POU2F1: variants seen among roughly 807,000 people sequenced by gnomAD.
POU2F1 encodes the protein POU class 2 homeobox 1, also known as POU domain, class 2, transcription factor 1.
Under a neutral mutation model 84.9 loss-of-function variants are expected in POU2F1, and 16 were observed. The observed-to-expected ratio is 0.19, with a 90% CI of 0.13 to 0.29. The LOEUF (loss-of-function observed/expected upper bound fraction) is 0.29, where lower values mean the gene tolerates loss of function less well. Ranked by LOEUF, POU2F1 falls within the 10% of genes least tolerant of loss-of-function variation. The pLI, the probability that POU2F1 is intolerant of heterozygous loss-of-function variation, is 1.00. For synonymous variants in POU2F1, 368 were observed against 368.3 expected, an observed-to-expected ratio of 1.00 and a Z score of 0.01; for missense variants, 738 against 942.6, an observed-to-expected ratio of 0.78 and a Z score of 2.84.
chr1:167,344,723 A>C (rs909395474), intron 2 of POU2F1, among the ~76,000 whole-genome samples: 4 of 152,212 alleles, frequency 2.6e-5, no homozygotes, highest in African/African-American at 9.7e-5. Context: ...TATCAGTGTT[A>C]GCTATCTATT....
intron 12 of POU2F1, 98 bp downstream of exon 12, chr1:167,399,463 GAATA>G: frequency 2.0e-6 from 2 of 1,019,676 alleles, no homozygotes; most frequent in Non-Finnish European, 2.8e-6. Flanking sequence ...GTAATTTAAT[GAATA>G]AATACATCAA....
chr1:167,349,459 T>G (rs937001508), intron 2 of POU2F1, among the ~76,000 whole-genome samples: 5 of 152,188 alleles, frequency 3.3e-5, no homozygotes, highest in Admixed American at 2.0e-4. Flanking sequence ...ATTTTTTCAT[T>G]TTTATTATCT....
At chr1:167,336,663 A>T (rs1219086137) in intron 2 of POU2F1, among the ~76,000 whole-genome samples, 1 of 152,202 alleles carries the variant, frequency 6.6e-6, no homozygotes, top group Non-Finnish European at 1.5e-5. Context: ...AAGGAAATTC[A>T]TGAAGCCTTC....
intron 2 of POU2F1, among the ~76,000 whole-genome samples, chr1:167,340,289 A>C (rs1657748815): frequency 6.6e-6 from 1 of 152,098 alleles, no homozygotes; most frequent in African/African-American, 2.4e-5. Context: ...CATGTTGGTC[A>C]GGCTGGTCTC....
chr1:167,250,917 A>G (rs1650681290), intron 1 of POU2F1, among the ~76,000 whole-genome samples: 1 of 152,212 alleles, frequency 6.6e-6, no homozygotes, highest in Admixed American at 6.5e-5. Context: ...ATATACACAG[A>G]CTTTATTTTG....
intron 1 of POU2F1, among the ~76,000 whole-genome samples, chr1:167,312,049 C>T (rs1216303886): frequency 6.6e-6 from 1 of 152,096 alleles, no homozygotes; most frequent in African/African-American, 2.4e-5. Context: ...ATTCTCCTGC[C>T]TCAGCCTCCT....
rs1654784421 is a variant in POU2F1, at chr1:167,302,596, A to AT, written c.62-29870dup. ...AAGAAGACACTTTGAACTGCATTTG[A>AT]TTTTGTTTGTACCATTGCATCTCAG... On this transcript the variant is annotated intron_variant, in intron 1 of 15. Coordinates refer to ENST00000367866, the MANE Select transcript of POU2F1 (RefSeq NM_002697.4). Among the ~76,000 whole-genome samples, 3 of 152,108 alleles carry AT rather than the reference A, an allele frequency of 2.0e-5. No individual in the cohort carries two copies. The South Asian group carries it at 6.2e-4, about 31-fold the overall frequency.
intron 1 of POU2F1, among the ~76,000 whole-genome samples, chr1:167,266,675 G>A (rs1016132274): frequency 6.6e-6 from 1 of 150,786 alleles, no homozygotes; most frequent in East Asian, 1.9e-4. Flanking sequence ...CCAGGCTGGG[G>A]TGCAGTAGCA....
intron 1 of POU2F1, among the ~76,000 whole-genome samples, chr1:167,317,902 G>A (rs2102622465): frequency 6.6e-6 from 1 of 152,328 alleles, no homozygotes; most frequent in Middle Eastern, 3.4e-3. Context: ...TTATCACAGT[G>A]AGCTACTTCT....
At chr1:167,275,728 C>A (rs1312460111) in intron 1 of POU2F1, among the ~76,000 whole-genome samples, 3 of 152,146 alleles carry the variant, frequency 2.0e-5, no homozygotes, top group Non-Finnish European at 2.9e-5. Context: ...CTACCACCCC[C>A]TGCCCAAAAA....
At chr1:167,240,998 C>T (rs797011108) in intron 1 of POU2F1, among the ~76,000 whole-genome samples, 3 of 152,170 alleles carry the variant, frequency 2.0e-5, no homozygotes, top group African/African-American at 7.2e-5. Context: ...CAAAATTAGC[C>T]TGATGTGGTG....
intron 1 of POU2F1, among the ~76,000 whole-genome samples, chr1:167,263,013 T>C (rs547978181): frequency 1.3e-5 from 2 of 152,322 alleles, no homozygotes; most frequent in African/African-American, 4.8e-5. Context: ...TTGAGTAATA[T>C]GATCTGAGCC....
chr1:167,408,137 A>G (rs986386976), intron 13 of POU2F1, among the ~76,000 whole-genome samples: 1 of 152,182 alleles, frequency 6.6e-6, no homozygotes, highest in African/African-American at 2.4e-5. Context: ...GATATGTGAC[A>G]TTAGCATTAC....
chr1:167,226,796 T>C (rs968687403), intron 1 of POU2F1, among the ~76,000 whole-genome samples: 6 of 152,196 alleles, frequency 3.9e-5, no homozygotes, highest in Non-Finnish European at 7.3e-5. Context: ...AGCTCTTTTG[T>C]TTTTGGGTTT....
chr1:167,309,380 C>T (rs1655302364), intron 1 of POU2F1, among the ~76,000 whole-genome samples: 2 of 151,980 alleles, frequency 1.3e-5, no homozygotes, highest in Non-Finnish European at 2.9e-5. Flanking sequence ...TAGTTTTTTT[C>T]TCTGTTTAAG....
At chr1:167,338,174 C>A (rs1245513938) in intron 2 of POU2F1, 3 of 468,304 alleles carry the variant, frequency 6.4e-6, no homozygotes, top group African/African-American at 6.0e-5. Flanking sequence ...GTCAGCAAGA[C>A]CCCTCCTGTT....
chr1:167,382,671 T>C (rs1238644703), intron 7 of POU2F1, among the ~76,000 whole-genome samples: 1 of 152,210 alleles, frequency 6.6e-6, no homozygotes, highest in Non-Finnish European at 1.5e-5. Context: ...AACCTGCCTT[T>C]TAAGAAATGT....
chr1:167,266,896 A>G (rs545778987), intron 1 of POU2F1, among the ~76,000 whole-genome samples: 1 of 152,142 alleles, frequency 6.6e-6, no homozygotes, highest in African/African-American at 2.4e-5. Flanking sequence ...TACTGGGATT[A>G]CCGGCGTGAG....
At chr1:167,292,818 G>A (rs1654018402) in intron 1 of POU2F1, among the ~76,000 whole-genome samples, 1 of 152,056 alleles carries the variant, frequency 6.6e-6, no homozygotes, top group Admixed American at 6.6e-5. Flanking sequence ...TGATCAAGTA[G>A]GTCTCATCCC....
Sources: gnomAD v4.1 joint callset for allele counts (sites outside exome capture counted in the v4.1 genomes callset) on GRCh38, gnomAD v4.1.1 for gene constraint, MANE v1.5 for transcripts, NCBI Gene and HGNC (gene_info 2026-07-23, HGNC 2026-07-21) for gene names.